ZNF407: variants seen among roughly 807,000 people sequenced by gnomAD.
ZNF407 encodes the protein zinc finger protein 407.
ZNF407 carries 17 observed loss-of-function variants against 131.2 expected under a neutral mutation model. The ratio of observed to expected loss-of-function variants is 0.13; its 90% CI spans 0.09 to 0.19. ZNF407 has a LOEUF of 0.19. Ranked by LOEUF, ZNF407 falls within the 10% of genes least tolerant of loss-of-function variation. The pLI is 1.00. For missense variants in ZNF407, 2,681 were observed against 2,830.6 expected, an observed-to-expected ratio of 0.95 and a Z score of 1.20; for synonymous variants, 1,156 against 1,062.0, an observed-to-expected ratio of 1.09 and a Z score of -1.72.
intron 8 of ZNF407, among the ~76,000 whole-genome samples, chr18:74,936,208 G>A (rs1363541730): frequency 6.6e-6 from 1 of 152,140 alleles, no homozygotes; most frequent in African/African-American, 2.4e-5. Flanking sequence ...TTGAAATCCA[G>A]AGCTATCTAT....
chr18:74,855,609 A>C (rs890877341), intron 4 of ZNF407, among the ~76,000 whole-genome samples: 1 of 152,244 alleles, frequency 6.6e-6, no homozygotes, highest in Non-Finnish European at 1.5e-5. Flanking sequence ...TATTTAATAC[A>C]TACAGATTAT....
intron 1 of ZNF407, among the ~76,000 whole-genome samples, chr18:74,606,320 G>T (rs1982804042): frequency 6.6e-6 from 1 of 152,176 alleles, no homozygotes; most frequent in Non-Finnish European, 1.5e-5. Flanking sequence ...CTGGAAAGGT[G>T]CTTTTTAGAA....
rs748938135 is a variant in ZNF407 at position 75,064,226 on chromosome 18, C to T, written c.6505C>T (p.His2169Tyr). 1.2e-6 allele frequency: 2 copies of T among 1,607,194 alleles called. No homozygotes were observed. Among genetic ancestry groups the T allele is most frequent in the Non-Finnish European group, 8.5e-7 (1 of 1,178,356 alleles). The change falls in exon 9 of 9, where the codon CAC becomes TAC. Residue 2169 changes from histidine (H) to tyrosine (Y), a missense_variant. Physicochemically the swap from His to Tyr is moderately conservative, Grantham distance 83. Around this residue, in one of 6 missense-constraint regions of ZNF407, gnomAD observed 620 missense variants for 583.1 expected, o/e 1.06. Transcript: ENST00000299687. ...TGGCGGCTTCTCCGAGGGCACCACG[C>T]ACTACATCCTGACAGAGCTGCCCCC... ...SSGGFSEGTT[H>Y]YILTELPPGV...
At chr18:74,938,311 G>A (rs755240947) in intron 8 of ZNF407, among the ~76,000 whole-genome samples, 1 of 152,038 alleles carries the variant, frequency 6.6e-6, no homozygotes, top group Non-Finnish European at 1.5e-5. Flanking sequence ...CCAAATTTTC[G>A]TCATATACTG....
chr18:74,910,830 A>G (rs12454354), intron 7 of ZNF407, among the ~76,000 whole-genome samples: 21,597 of 152,130 alleles, frequency 0.14, 1,694 homozygotes, highest in Middle Eastern at 0.23. Flanking sequence ...CTTTTAAATT[A>G]AACTTAATGA....
chr18:74,622,966 G>A (rs1983597638), intron 1 of ZNF407, among the ~76,000 whole-genome samples: 1 of 152,112 alleles, frequency 6.6e-6, no homozygotes, highest in Admixed American at 6.6e-5. Context: ...GTGTATCTGA[G>A]TGCGTGTGTC....
At chr18:75,016,574 A>G (rs1253336360) in intron 8 of ZNF407, among the ~76,000 whole-genome samples, 1 of 152,134 alleles carries the variant, frequency 6.6e-6, no homozygotes, top group East Asian at 1.9e-4. Flanking sequence ...GTGAAGTTTA[A>G]TGCCGTGGTA....
At chr18:74,955,936 G>A (rs1354638997) in intron 8 of ZNF407, among the ~76,000 whole-genome samples, 9 of 152,178 alleles carry the variant, frequency 5.9e-5, no homozygotes, top group Non-Finnish European at 1.3e-4. Flanking sequence ...TACATTACAT[G>A]ATTCCTACTT....
In ZNF407 at chr18:74,631,706, A is replaced by G. The variant is rs2144662457; in HGVS notation, c.687A>G (p.Ala229=). Residue 229 remains alanine (A), a synonymous_variant, in exon 2 of 9, where the codon GCA becomes GCG. Transcript: ENST00000299687. ...HCSHKAESSS[A]LHMHIKQAHG... is the part of the protein sequence containing the mutation. ...GCCACAAAGCAGAGAGCAGCTCAGC[A>G]CTACATATGCATATCAAACAAGCAC... 1 of 1,614,048 alleles carries G rather than the reference A, an allele frequency of 6.2e-7. No individual in the cohort carries two copies. The highest frequency in any genetic ancestry group is 8.5e-7 in the Non-Finnish European group (1 of 1,179,902).
At position 74,724,406 on chromosome 18, in the gene ZNF407, T is replaced by C. The variant is rs187543284; in HGVS notation, c.4803-57022T>C. ...ATTATTAACTATAGTCATTCTCTTG[T>C]GCAATAGAACACCAGAATGTATCCC... On this transcript the variant is annotated intron_variant, in intron 3 of 8. Transcript: ENST00000299687. Among the ~76,000 whole-genome samples, 241 of 152,284 alleles carry C rather than the reference T, an allele frequency of 1.6e-3. 1 individual carries two copies. Among genetic ancestry groups the C allele is most frequent in the Non-Finnish European group, 2.4e-3 (165 of 68,022 alleles).
intron 6 of ZNF407, among the ~76,000 whole-genome samples, chr18:74,881,810 T>G (rs1188563265): frequency 6.6e-6 from 1 of 152,216 alleles, no homozygotes; most frequent in African/African-American, 2.4e-5. Flanking sequence ...TAGTCCTTTT[T>G]CACACTGCTG....
intron 6 of ZNF407, among the ~76,000 whole-genome samples, chr18:74,882,319 T>C (rs1971250027): frequency 6.6e-6 from 1 of 152,246 alleles, no homozygotes; most frequent in African/African-American, 2.4e-5. Context: ...ACTCTAAATG[T>C]GTCCTAGTTC....
At chr18:74,823,006 G>C (rs147170653) in intron 4 of ZNF407, among the ~76,000 whole-genome samples, 1 of 152,058 alleles carries the variant, frequency 6.6e-6, no homozygotes, top group African/African-American at 2.4e-5. Flanking sequence ...TGTATTCCTA[G>C]GTATTTTATT....
At position 74,952,117 on chromosome 18, in the gene ZNF407, A is replaced by T. The variant is rs148846960; in HGVS notation, c.5428+31425A>T. Among the ~76,000 whole-genome samples the T allele has an allele frequency of 7.9e-5, 12 of 152,260 alleles. No homozygotes were observed. In the East Asian group the frequency reaches 2.3e-3, roughly 29 times the overall value. On this transcript the variant is annotated intron_variant, in intron 8 of 8. Coordinates refer to ENST00000299687, the MANE Select transcript of ZNF407 (RefSeq NM_017757.3). Reference sequence around the variant, plus strand: ...TATTACTAATGAGGCATCAACAGTTATTGATCAGGAGCTTGGGAGGCAAGG... The same window carrying T: ...TATTACTAATGAGGCATCAACAGTTTTTGATCAGGAGCTTGGGAGGCAAGG...
intron 8 of ZNF407, among the ~76,000 whole-genome samples, chr18:75,021,102 A>T (rs1224088112): frequency 6.6e-6 from 1 of 152,134 alleles, no homozygotes; most frequent in Non-Finnish European, 1.5e-5. Flanking sequence ...CTATTAAATG[A>T]CAGAACCAAG....
intron 3 of ZNF407, among the ~76,000 whole-genome samples, chr18:74,651,047 C>T (rs528799483): frequency 6.6e-6 from 1 of 152,012 alleles, no homozygotes; most frequent in Non-Finnish European, 1.5e-5. Context: ...CAAAATTATT[C>T]TTAAACAACC....
intron 8 of ZNF407, among the ~76,000 whole-genome samples, chr18:74,997,941 C>T (rs1420103153): frequency 6.6e-6 from 1 of 152,192 alleles, no homozygotes; most frequent in East Asian, 1.9e-4. Context: ...TTTCTGCAAT[C>T]CTGATGCCTT....
intron 8 of ZNF407, among the ~76,000 whole-genome samples, chr18:74,937,249 A>G (rs142626647): frequency 4.6e-5 from 7 of 152,368 alleles, no homozygotes; most frequent in African/African-American, 1.7e-4. Flanking sequence ...CATATCATAC[A>G]TGGTAACAAC....
At chr18:74,643,576 AATT>A (rs1984823141) in intron 3 of ZNF407, among the ~76,000 whole-genome samples, 1 of 151,980 alleles carries the variant, frequency 6.6e-6, no homozygotes, top group South Asian at 2.1e-4. Flanking sequence ...TTTAAAGTGA[AATT>A]ATTACTCAGA....
Sources: allele counts gnomAD v4.1 joint callset (sites outside exome capture counted in the v4.1 genomes callset), GRCh38; gene constraint gnomAD v4.1.1; regional missense constraint gnomAD v4.1.1; transcripts MANE v1.5; gene names NCBI Gene and HGNC (gene_info 2026-07-23, HGNC 2026-07-21).